Variants in SGCB observed in about 807,000 individuals in gnomAD.
SGCB encodes beta-sarcoglycan.
A neutral mutation model predicts 27.3 loss-of-function variants in SGCB; 25 were observed. The observed-to-expected ratio is 0.92, with a 90% CI of 0.67 to 1.28. The LOEUF (loss-of-function observed/expected upper bound fraction) is 1.28. Ranked by LOEUF, SGCB falls within the 50% of genes most tolerant of loss-of-function variation. SGCB has a pLI of 0.00. For missense variants in SGCB, 436 were observed against 402.1 expected, an observed-to-expected ratio of 1.08 and a Z score of -0.72; for synonymous variants, 147 against 133.5, an observed-to-expected ratio of 1.10 and a Z score of -0.70.
chr4:52,033,744 G>T, intron 1 of SGCB, 104 bp from the exon 2 acceptor site: 1 of 856,980 alleles, frequency 1.2e-6, no homozygotes, highest in Non-Finnish European at 2.0e-6. Context: ...ATTGGTTACT[G>T]ACACATTTTC....
intron 5 of SGCB, among the ~76,000 whole-genome samples, chr4:52,025,121 C>G (rs1262462699): frequency 2.0e-5 from 3 of 152,102 alleles, no homozygotes; most frequent in African/African-American, 7.2e-5. Flanking sequence ...ATGCCAGACA[C>G]TATTCTAGGT....
Position 52,038,238 on chromosome 4 carries a change from C to T in SGCB, c.22G>A (p.Ala8Thr). The T allele has an allele frequency of 7.9e-7, 1 of 1,265,738 alleles. No homozygotes were observed. The highest frequency in any genetic ancestry group is 3.2e-5 in the Admixed American group (1 of 31,224). The allele number at this position is 1,265,738 out of a possible 1,614,324, so 78.4% of individuals were successfully genotyped here. A position where few individuals can be genotyped will look rare whatever the true frequency, so the allele number is the denominator to read the frequency against. Residue 8 changes from alanine (A) to threonine (T), a missense_variant, in exon 1 of 6, where the codon GCT becomes ACT. Ala to Thr is a moderately conservative substitution (Grantham distance 58). Transcript: ENST00000381431. MAAAAAA[A>T]AEQQSSNGPV... ...CGGTACTCACAGACCTGTTCTGCAG[C>T]CGCCGCCGCCGCTGCCGCCATCTTC...
Position 52,028,068 on chromosome 4 carries a change from A to G in SGCB, c.653T>C (p.Ile218Thr), listed in dbSNP as rs1421058695. Residue 218 changes from isoleucine (I) to threonine (T), a missense_variant, in exon 5 of 6, where the codon ATA becomes ACA. Coordinates refer to ENST00000381431, the MANE Select transcript of SGCB (RefSeq NM_000232.5). Reference protein sequence around the residue: ...ITSNATSDLNIKVDGRAIVRG... With the variant: ...ITSNATSDLNTKVDGRAIVRG... ...CACAATAGCACGCCCATCAACTTTT[A>G]TATTTAAATCACTGGTAGCATTGCT... 1.2e-6 allele frequency: 2 copies of G among 1,613,360 alleles called. No homozygotes were observed. The highest frequency in any genetic ancestry group is 1.1e-5 in the South Asian group (1 of 91,056).
At chr4:52,032,731 A>G (rs1737282041) in intron 2 of SGCB, among the ~76,000 whole-genome samples, 1 of 152,244 alleles carries the variant, frequency 6.6e-6, no homozygotes, top group South Asian at 2.1e-4. Flanking sequence ...AAACTGCTGC[A>G]GACTATGTTC....
Position 52,029,820 on chromosome 4 carries a change from C to T in SGCB, c.287G>A (p.Gly96Asp). ...TTCATGAAACTCCATACTATCACAG[C>T]CATTTGGTCCAATGCGAATCACGGC... The part of the protein sequence containing the change: ...IWAVIRIGPN[G>D]CDSMEFHESG... The change falls in exon 3 of 6, where the codon GGC (glycine) becomes GAC (aspartate). Residue 96 changes from glycine (G) to aspartate (D), a missense_variant. By Grantham distance (94) the Gly-to-Asp change is moderately conservative. Transcript: ENST00000381431. 3.1e-6 allele frequency: 5 copies of T among 1,613,850 alleles called. No homozygotes were observed. The highest frequency in any genetic ancestry group is 4.2e-6 in the Non-Finnish European group (5 of 1,179,870).
intron 4 of SGCB, among the ~76,000 whole-genome samples, chr4:52,028,406 G>A (rs949104945): frequency 2.0e-5 from 3 of 152,304 alleles, no homozygotes; most frequent in African/African-American, 4.8e-5. Context: ...GGGAGGCCGA[G>A]ACGGGCGGAT....
In SGCB at chr4:52,033,194, T is replaced by C. The variant is rs191792302; in HGVS notation, c.243+237A>G. Among the ~76,000 whole-genome samples, 33 of 152,348 alleles carry C rather than the reference T, an allele frequency of 2.2e-4. No homozygotes were observed. The East Asian group carries it at 5.8e-3, about 27-fold the overall frequency. On this transcript the variant is annotated intron_variant, in intron 2 of 5. Transcript: ENST00000381431. The stretch of plus-strand genomic sequence containing the variant: ...ATTGAGCTAGGTGGGAGCCTCATAA[T>C]TCTATCCTTGCTAAAAATTAAGTCC...
Position 52,038,294 on chromosome 4 carries a change from G to C in SGCB, c.-35C>G. On this transcript the variant is annotated 5_prime_UTR_variant, in exon 1 of 6. Coordinates refer to ENST00000381431, the MANE Select transcript of SGCB (RefSeq NM_000232.5). ...CCCGCCGCCGCCGAGCTCCCCGCCC[G>C]ACTGTGCCCGCCCCTCCGCGACCGC... 1 of 1,276,530 alleles carries C rather than the reference G, an allele frequency of 7.8e-7. No individual in the cohort carries two copies. Among genetic ancestry groups the C allele is most frequent in the Non-Finnish European group, 9.9e-7 (1 of 1,011,410 alleles). 79.1% of individuals were successfully genotyped at this position (1,276,530 alleles called of 1,614,324 possible).
rs188374016 is a variant in SGCB, at chr4:52,037,065, C to T, written c.33+1162G>A. Among the ~76,000 whole-genome samples the T allele has an allele frequency of 1.1e-3, 172 of 152,220 alleles. 1 individual carries two copies. Among genetic ancestry groups the T allele is most frequent in the Admixed American group, 4.4e-3 (67 of 15,284 alleles). On this transcript the variant is annotated intron_variant, in intron 1 of 5. Coordinates refer to ENST00000381431, the MANE Select transcript of SGCB (RefSeq NM_000232.5). ...ACTTATGTGTAAAGCAAAAATAGAA[C>T]CAGATGGAAAAACAATCATCTGAAA... is the stretch of plus-strand genomic sequence containing the variant.
chr4:52,031,893 G>C (rs1230707491), intron 2 of SGCB: 2 of 455,928 alleles, frequency 4.4e-6, no homozygotes, highest in African/African-American at 2.0e-5. Context: ...AGTATCTTCA[G>C]ATCTTTTTTC....
At chr4:52,037,282 T>C (rs1243087476) in intron 1 of SGCB, among the ~76,000 whole-genome samples, 2 of 152,216 alleles carry the variant, frequency 1.3e-5, no homozygotes, top group Admixed American at 6.5e-5. Flanking sequence ...TTTAAGCTCC[T>C]TGAAGAGAGA....
At chr4:52,035,842 G>T (rs899533319) in intron 1 of SGCB, among the ~76,000 whole-genome samples, 2 of 152,226 alleles carry the variant, frequency 1.3e-5, no homozygotes, top group African/African-American at 4.8e-5. Context: ...GCCAAAGTTT[G>T]AATATAGGTC....
At chr4:52,027,583 TAGA>T (rs1227580012) in intron 5 of SGCB, among the ~76,000 whole-genome samples, 3 of 149,716 alleles carry the variant, frequency 2.0e-5, no homozygotes, top group East Asian at 1.9e-4. Context: ...AATTCTCTTT[TAGA>T]AGGTTTTTTT....
At chr4:52,037,338 C>G (rs964734751) in intron 1 of SGCB, among the ~76,000 whole-genome samples, 1 of 152,138 alleles carries the variant, frequency 6.6e-6, no homozygotes, top group Admixed American at 6.5e-5. Flanking sequence ...TGACATATAT[C>G]TAATAGGTCT....
Position 52,021,077 on chromosome 4 carries a change from T to C in SGCB, c.*2880A>G, listed in dbSNP as rs937593565. On this transcript the variant is annotated 3_prime_UTR_variant, in exon 6 of 6. Transcript: ENST00000381431. ...ATTATCAGCAGTCCGTTTTGTGTGGTTTTACATTTTTCTGTCTGCCCATTA... is the reference window on the plus strand; with the variant it reads ...ATTATCAGCAGTCCGTTTTGTGTGGCTTTACATTTTTCTGTCTGCCCATTA... 1.3e-5 allele frequency: 2 copies of C among 152,172 alleles called. No homozygotes were observed. Among genetic ancestry groups the C allele is most frequent in the East Asian group, 3.9e-4 (2 of 5,190 alleles). The allele number at this position is 152,172 out of a possible 1,614,324, so 9.4% of individuals were successfully genotyped here. A position where few individuals can be genotyped will look rare whatever the true frequency, so the allele number is the denominator to read the frequency against.
In SGCB at chr4:52,022,044, A is replaced by G. The variant is rs148314727; in HGVS notation, c.*1913T>C. 6.6e-6 allele frequency: 1 copy of G among 152,370 alleles called. No homozygotes were observed. The highest frequency in any genetic ancestry group is 1.5e-5 in the Non-Finnish European group (1 of 68,036). 9.4% of individuals were successfully genotyped at this position (152,370 alleles called of 1,614,324 possible). On this transcript the variant is annotated 3_prime_UTR_variant, in exon 6 of 6. Transcript: ENST00000381431. ...AGAGCAGATAAGTAATGAATATGCA[A>G]TTTAATTTATGGACCATCTGAATAA...
chr4:52,028,638 A>T, intron 4 of SGCB, 92 bp downstream of exon 4: 1 of 1,071,234 alleles, frequency 9.3e-7, no homozygotes, highest in Non-Finnish European at 1.4e-6. Context: ...TCCGTCTCAA[A>T]AAAAAAACAA....
intron 2 of SGCB, among the ~76,000 whole-genome samples, chr4:52,031,335 T>TCTACGTAC (rs1737239091): frequency 6.6e-6 from 1 of 151,742 alleles, no homozygotes; most frequent in African/African-American, 2.4e-5. Context: ...CTTCTGTCTA[T>TCTACGTAC]CTACCTACCT....
chr4:52,027,288 C>T (rs1440176428), intron 5 of SGCB, among the ~76,000 whole-genome samples: 2 of 152,006 alleles, frequency 1.3e-5, no homozygotes, highest in Non-Finnish European at 2.9e-5. Context: ...AGTTTTTGGA[C>T]TTATGGCACA....
Sources: gnomAD v4.1 joint callset for allele counts (sites outside exome capture counted in the v4.1 genomes callset) on GRCh38, gnomAD v4.1.1 for gene constraint, MANE v1.5 for transcripts, NCBI Gene and HGNC (gene_info 2026-07-23, HGNC 2026-07-21) for gene names.